Variants in ATRX observed in about 807,000 individuals in gnomAD.
ATRX encodes the protein chromatin remodeler ATRX.
Under a neutral mutation model 172.6 loss-of-function variants are expected in ATRX, and 12 were observed. That is an observed-to-expected ratio of 0.07 (90% CI 0.04 to 0.11). The LOEUF is 0.11. Ranked by LOEUF, ATRX falls within the 10% of genes least tolerant of loss-of-function variation. ATRX has a pLI of 1.00. For synonymous variants in ATRX, 674 were observed against 594.7 expected, an observed-to-expected ratio of 1.13 and a Z score of -1.94; for missense variants, 1,368 against 1,767.4, an observed-to-expected ratio of 0.77 and a Z score of 4.05.
chrX:77,511,859 T>C (rs1557036715), intron 34 of ATRX, among the ~76,000 whole-genome samples: 3 of 111,495 alleles, frequency 2.7e-5, no homozygotes, highest in Admixed American at 9.5e-5. Context: ...CTAAGAGTTA[T>C]TGGCCTTAAA....
chrX:77,595,529 T>C (rs2066440243), intron 25 of ATRX: 1 of 111,815 alleles, frequency 8.9e-6, no homozygotes, highest in Non-Finnish European at 1.9e-5. Context: ...TAGATAAGCT[T>C]CCTTGTCAAC....
chrX:77,641,495 C>A (rs978725964), intron 15 of ATRX, among the ~76,000 whole-genome samples: 42 of 107,671 alleles, frequency 3.9e-4, no homozygotes, highest in African/African-American at 1.4e-3. Flanking sequence ...GCAGGAGAAT[C>A]GCTTGAACCC....
chrX:77,667,390 A>G (rs1223416346), intron 10 of ATRX, among the ~76,000 whole-genome samples: 1 of 108,861 alleles, frequency 9.2e-6, no homozygotes, highest in Non-Finnish European at 1.9e-5. Flanking sequence ...GGAAAAACAC[A>G]GTTTACTTGC....
chrX:77,746,638 A>C (rs1303546646), intron 1 of ATRX, among the ~76,000 whole-genome samples: 3 of 111,620 alleles, frequency 2.7e-5, no homozygotes, highest in Non-Finnish European at 5.6e-5. Flanking sequence ...AAATATCCTG[A>C]TTTTCTAAAT....
intron 1 of ATRX, among the ~76,000 whole-genome samples, chrX:77,751,630 A>T (rs1034622469): frequency 4.5e-5 from 5 of 111,907 alleles, no homozygotes; most frequent in African/African-American, 1.6e-4. Flanking sequence ...GTTTTCTTCT[A>T]GGGTTTTTAT....
intron 22 of ATRX, among the ~76,000 whole-genome samples, chrX:77,609,731 C>A (rs2067073442): frequency 8.9e-6 from 1 of 111,804 alleles, no homozygotes; most frequent in South Asian, 3.7e-4. Context: ...CCTGCCCTGG[C>A]CTCCCAAAGT....
chrX:77,621,962 G>GA (rs782696484), intron 19 of ATRX, among the ~76,000 whole-genome samples: 6 of 111,719 alleles, frequency 5.4e-5, no homozygotes, highest in African/African-American at 1.3e-4. Context: ...TTTCTACAGA[G>GA]AAAAAAATGC....
intron 15 of ATRX, among the ~76,000 whole-genome samples, chrX:77,651,200 A>G (rs1192905280): frequency 7.6e-5 from 6 of 79,419 alleles, no homozygotes; most frequent in Middle Eastern, 5.8e-3. Context: ...CTGGGTGACA[A>G]GAGTGAAACT....
At chrX:77,685,522 CAA>C (rs2071501509) in intron 7 of ATRX, among the ~76,000 whole-genome samples, 1 of 111,502 alleles carries the variant, frequency 9.0e-6, no homozygotes, top group Non-Finnish European at 1.9e-5. Context: ...GGCTTATATC[CAA>C]AAGACAGGCA....
intron 10 of ATRX, among the ~76,000 whole-genome samples, chrX:77,667,416 T>G (rs781939929): frequency 9.2e-6 from 1 of 108,716 alleles, no homozygotes; most frequent in Non-Finnish European, 1.9e-5. Flanking sequence ...CAAGATCTCA[T>G]ACCATCATTT....
chrX:77,592,227 C>T (rs782741517), intron 26 of ATRX, among the ~76,000 whole-genome samples: 24 of 108,892 alleles, frequency 2.2e-4, no homozygotes, highest in Non-Finnish European at 4.4e-4. Flanking sequence ...GCTAGGCCAA[C>T]GTGGTGAAAC....
Position 77,684,352 on chromosome X carries a change from T to G in ATRX, c.904A>C (p.Ser302Arg). ...TCATATACTTTATTACTCTTTTCACTGTCAACTTTTATCTTCTTCTTATTT... is the reference window on the plus strand; with the variant it reads ...TCATATACTTTATTACTCTTTTCACGGTCAACTTTTATCTTCTTCTTATTT... ...QQNKKKIKVD[S>R]EKSNKVYEHT... The change falls in exon 9 of 35, where the codon AGT becomes CGT. Residue 302 changes from serine (S) to arginine (R), a missense_variant. Ser to Arg is a moderately radical substitution (Grantham distance 110, BLOSUM62 -1). Transcript: ENST00000373344. 8.3e-7 allele frequency: 1 copy of G among 1,209,893 alleles called. No homozygotes were observed. Among genetic ancestry groups the G allele is most frequent in the Non-Finnish European group, 1.1e-6 (1 of 893,517 alleles).
chrX:77,562,820 T>C (rs2065064613), intron 28 of ATRX, among the ~76,000 whole-genome samples: 1 of 112,271 alleles, frequency 8.9e-6, no homozygotes, highest in Non-Finnish European at 1.9e-5. Context: ...GCCCTGGGAT[T>C]GCAGGCCTGA....
At chrX:77,512,157 G>A (rs1000281639) in intron 34 of ATRX, among the ~76,000 whole-genome samples, 3 of 111,644 alleles carry the variant, frequency 2.7e-5, no homozygotes, top group African/African-American at 9.8e-5. Flanking sequence ...TACAGCCCAG[G>A]AGAGAGTGAC....
chrX:77,618,685 A>C, intron 21 of ATRX, 121 bp downstream of exon 21: 1 of 714,179 alleles, frequency 1.4e-6, no homozygotes, highest in Non-Finnish European at 2.1e-6. Flanking sequence ...TAACTGTAAA[A>C]CTATCTACTG....
intron 30 of ATRX, among the ~76,000 whole-genome samples, chrX:77,536,854 C>T (rs920481637): frequency 1.8e-5 from 2 of 111,332 alleles, no homozygotes; most frequent in African/African-American, 3.3e-5. Context: ...CACACACACA[C>T]GCACGTGCAC....
At chrX:77,766,661 A>C (rs1433920218) in intron 1 of ATRX, among the ~76,000 whole-genome samples, 2 of 91,518 alleles carry the variant, frequency 2.2e-5, no homozygotes, top group Non-Finnish European at 4.3e-5. Flanking sequence ...CCTAGATGGG[A>C]TGGCGGCCGG....
rs1289047672 is a variant in ATRX at position 77,725,600 on chromosome X, A to T, written c.21-8357T>A. The stretch of plus-strand genomic sequence containing the variant: ...GTCTAAAACACCAAAAGCAATGGCA[A>T]CAAAAGCCAAAATTGACAAATGGGA... On this transcript the variant is annotated intron_variant, in intron 1 of 34. Transcript: ENST00000373344. Among the ~76,000 whole-genome samples the T allele has an allele frequency of 6.2e-5, 7 of 112,086 alleles. No homozygotes were observed. The South Asian group carries it at 2.2e-3, about 36-fold the overall frequency.
chrX:77,549,503 G>C (rs1292204600), intron 30 of ATRX, among the ~76,000 whole-genome samples: 1 of 112,403 alleles, frequency 8.9e-6, no homozygotes, highest in African/African-American at 3.2e-5. Context: ...TAACAGGTTA[G>C]CTATCAATTT....
Sources: allele counts gnomAD v4.1 joint callset (sites outside exome capture counted in the v4.1 genomes callset), GRCh38; gene constraint gnomAD v4.1.1; transcripts MANE v1.5; gene names NCBI Gene and HGNC (gene_info 2026-07-23, HGNC 2026-07-21).